Variants in DDAH1 observed in about 807,000 individuals in gnomAD.
The protein encoded by DDAH1 is dimethylarginine dimethylaminohydrolase 1, also known as N(G),N(G)-dimethylarginine dimethylaminohydrolase 1.
Under a neutral mutation model 28.8 loss-of-function variants are expected in DDAH1, and 19 were observed. The ratio of observed to expected loss-of-function variants is 0.66; its 90% CI spans 0.46 to 0.97. The LOEUF (loss-of-function observed/expected upper bound fraction) is 0.97, where lower values mean the gene tolerates loss of function less well. Among genes scored for constraint, DDAH1 ranks in the 50% least tolerant of loss-of-function variants. DDAH1 has a pLI of 0.00. For missense variants in DDAH1, 326 were observed against 375.9 expected (o/e 0.87, Z 1.10); for synonymous variants, 153 against 154.4 (o/e 0.99, Z 0.07).
chr1:85,466,832 C>CTTTTTTTTTTTTTTTTTTTTTTTTTT (rs10675813), upstream of DDAH1, among the ~76,000 whole-genome samples: 2 of 70,738 alleles, frequency 2.8e-5, no homozygotes, highest in African/African-American at 5.8e-5. Flanking sequence ...ATTATTTATT[C>CTTTTTTTTTTTTTTTTTTTTTTTTTT]TTTTTTTTTT....
rs143462318 is a variant in DDAH1 at position 85,473,504 on chromosome 1, C to G, written c.-7+22662G>C. ...GTATGTGTACACACACACACACGCA[C>G]GCGCACAGGGCTCTGATAACCCCCT... On this transcript the variant is annotated intron_variant, in intron 2 of 6. Transcript: ENST00000426972. Among the ~76,000 whole-genome samples, 7 of 152,014 alleles carry G rather than the reference C, an allele frequency of 4.6e-5. No individual in the cohort carries two copies. In the South Asian group the frequency reaches 1.0e-3, roughly 23 times the overall value.
At chr1:85,447,193 T>C (rs1654474668) in intron 1 of DDAH1, among the ~76,000 whole-genome samples, 1 of 152,226 alleles carries the variant, frequency 6.6e-6, no homozygotes, top group Non-Finnish European at 1.5e-5. Flanking sequence ...ACTCTGATCT[T>C]GGCCTCTGAA....
chr1:85,465,234 C>T, upstream of DDAH1: 2 of 1,105,612 alleles, frequency 1.8e-6, no homozygotes, highest in Non-Finnish European at 2.2e-6. Context: ...CGGGCGCCGG[C>T]CCGCGCGCAT....
chr1:85,547,145 C>CACA (rs1658650234), intron 1 of DDAH1, among the ~76,000 whole-genome samples: 1 of 152,130 alleles, frequency 6.6e-6, no homozygotes, highest in Admixed American at 6.5e-5. Context: ...GGTAGGAGTA[C>CACA]TGGAACCACC....
At chr1:85,545,140 C>T (rs1658583350) in intron 1 of DDAH1, among the ~76,000 whole-genome samples, 1 of 152,168 alleles carries the variant, frequency 6.6e-6, no homozygotes, top group African/African-American at 2.4e-5. Flanking sequence ...TCCATACTCA[C>T]AGGCATGAAG....
At chr1:85,544,339 G>T (rs1405230354) in intron 1 of DDAH1, among the ~76,000 whole-genome samples, 1 of 152,102 alleles carries the variant, frequency 6.6e-6, no homozygotes, top group Non-Finnish European at 1.5e-5. Context: ...CCTTTCCAGG[G>T]TTTCCAAATT....
intron 1 of DDAH1, among the ~76,000 whole-genome samples, chr1:85,577,365 C>T (rs1011674617): frequency 6.6e-6 from 1 of 152,134 alleles, no homozygotes; most frequent in African/African-American, 2.4e-5. Flanking sequence ...TGGGATGGTA[C>T]GGGGGCGCCA....
At chr1:85,553,915 G>A (rs997068704) in intron 1 of DDAH1, among the ~76,000 whole-genome samples, 1 of 152,210 alleles carries the variant, frequency 6.6e-6, no homozygotes, top group Non-Finnish European at 1.5e-5. Flanking sequence ...ACTTTCTGGG[G>A]ATTCTGGCTG....
intron 5 of DDAH1, among the ~76,000 whole-genome samples, chr1:85,323,856 G>A (rs936418347): frequency 6.6e-6 from 1 of 151,838 alleles, no homozygotes; most frequent in African/African-American, 2.4e-5. Context: ...TGTAGTCCCA[G>A]CTACTCGGGA....
intron 1 of DDAH1, among the ~76,000 whole-genome samples, chr1:85,545,119 A>G (rs1309337406): frequency 4.6e-5 from 7 of 152,144 alleles, no homozygotes; most frequent in Admixed American, 2.0e-4. Flanking sequence ...TCAGCAACCC[A>G]AACTCTGCCC....
intron 1 of DDAH1, among the ~76,000 whole-genome samples, chr1:85,418,623 CA>C (rs1652990663): frequency 6.6e-6 from 1 of 152,182 alleles, no homozygotes; most frequent in Non-Finnish European, 1.5e-5. Context: ...AGGAAGTCAA[CA>C]AAAGTTTTTA....
chr1:85,422,777 C>T (rs1027470152), intron 1 of DDAH1, among the ~76,000 whole-genome samples: 2 of 152,074 alleles, frequency 1.3e-5, no homozygotes, highest in Non-Finnish European at 2.9e-5. Flanking sequence ...GATGAGGTAA[C>T]GAGGGTGGGG....
Position 85,351,060 on chromosome 1 carries a change from G to GTT in DDAH1, c.477+444_477+445dup, listed in dbSNP as rs35352719. On this transcript the variant is annotated intron_variant, in intron 3 of 5. Transcript: ENST00000284031. ...ATAACAGAGTCAATTGGGTTTCCAA[G>GTT]TTTTTTTTTTTTTTTTTTAGAAACA... Among the ~76,000 whole-genome samples, 649 of 137,196 alleles carry GTT rather than the reference G, an allele frequency of 4.7e-3. 2 individuals are homozygous for GTT. The highest frequency in any genetic ancestry group is 0.016 in the African/African-American group (603 of 38,018). The allele number at this position is 137,196 out of a possible 152,430, so 90.0% of individuals were successfully genotyped here. A position where few individuals can be genotyped will look rare whatever the true frequency, so the allele number is the denominator to read the frequency against.
At chr1:85,441,419 T>C (rs1230336127) in intron 1 of DDAH1, among the ~76,000 whole-genome samples, 1 of 152,076 alleles carries the variant, frequency 6.6e-6, no homozygotes, top group Non-Finnish European at 1.5e-5. Context: ...CATGCGCCTG[T>C]AGTCTCAGCT....
At chr1:85,521,717 G>T in intron 1 of DDAH1, 1 of 925,158 alleles carries the variant, frequency 1.1e-6, no homozygotes, top group Non-Finnish European at 1.3e-6. Context: ...TGCTCTCTCT[G>T]TGAATCCATA....
intron 3 of DDAH1, among the ~76,000 whole-genome samples, chr1:85,350,790 G>A (rs1190497839): frequency 2.0e-5 from 3 of 152,190 alleles, no homozygotes; most frequent in Non-Finnish European, 4.4e-5. Context: ...GCTACTCTGG[G>A]AGGGTGTATT....
intron 1 of DDAH1, among the ~76,000 whole-genome samples, chr1:85,386,959 C>T (rs570238977): frequency 1.4e-4 from 22 of 152,208 alleles, no homozygotes; most frequent in Non-Finnish European, 2.2e-4. Context: ...AATAACTGGC[C>T]GGAGCTAAAA....
chr1:85,476,475 T>C (rs2100710241), intron 2 of DDAH1, among the ~76,000 whole-genome samples: 1 of 152,254 alleles, frequency 6.6e-6, no homozygotes, highest in Non-Finnish European at 1.5e-5. Flanking sequence ...TCAGTGTTGT[T>C]CAGCCTGACC....
intron 1 of DDAH1, among the ~76,000 whole-genome samples, chr1:85,572,905 C>T (rs1659501207): frequency 6.6e-6 from 1 of 152,248 alleles, no homozygotes; most frequent in Non-Finnish European, 1.5e-5. Context: ...GAATACCTGG[C>T]TGGATGGATC....
Sources: allele counts gnomAD v4.1 joint callset (sites outside exome capture counted in the v4.1 genomes callset), GRCh38; gene constraint gnomAD v4.1.1; transcripts MANE v1.5; gene names NCBI Gene and HGNC (gene_info 2026-07-23, HGNC 2026-07-21).